CNPY4: variants seen among roughly 807,000 people sequenced by gnomAD.
CNPY4 encodes canopy FGF signaling regulator 4, also known as protein canopy homolog 4.
In CNPY4, 33 loss-of-function variants were observed where a neutral mutation model predicts 30.1. That is an observed-to-expected ratio of 1.10 (90% CI 0.83 to 1.46). The LOEUF is 1.46. CNPY4 is among the 40% of genes most tolerant of loss of function. The probability of loss-of-function intolerance (pLI) is 0.00; values close to 1 mark genes in which losing one functional copy is unlikely to be tolerated. For synonymous variants in CNPY4, 109 were observed against 110.1 expected, an observed-to-expected ratio of 0.99 and a Z score of 0.06; for missense variants, 324 against 302.6, an observed-to-expected ratio of 1.07 and a Z score of -0.52.
chr7:100,121,978 A>G (rs1798086836), intron 1 of CNPY4: 3 of 317,608 alleles, frequency 9.4e-6, no homozygotes, highest in Non-Finnish European at 1.2e-5. Flanking sequence ...TGAACCCAGG[A>G]GGCGGAGCTG....
rs1455708902 is a variant in CNPY4 at position 100,125,315 on chromosome 7, G to GTATC, written c.*428_*431dup. 1 of 164,222 alleles carries GTATC rather than the reference G, an allele frequency of 6.1e-6. No homozygotes were observed. Among genetic ancestry groups the GTATC allele is most frequent in the Non-Finnish European group, 1.3e-5 (1 of 74,526 alleles). 10.2% of individuals were successfully genotyped at this position (164,222 alleles called of 1,614,324 possible). On this transcript the variant is annotated 3_prime_UTR_variant, in exon 6 of 6. Coordinates refer to ENST00000262932, the MANE Select transcript of CNPY4 (RefSeq NM_152755.2). ...TCTCTGCGATCTATATACATTGCCTGTATCCAGGAGGCTACACACCAGCAA... is the reference window on the plus strand; with the variant it reads ...TCTCTGCGATCTATATACATTGCCTGTATCTATCCAGGAGGCTACACACCAGCAA...
chr7:100,122,423 C>G (rs771172138), intron 2 of CNPY4, 38 bp downstream of exon 2: 17 of 1,613,948 alleles, frequency 1.1e-5, no homozygotes, highest in South Asian at 7.7e-5. Context: ...CAACCCCCAA[C>G]GGAGCCCTGG....
At chr7:100,124,384 C>T in intron 4 of CNPY4, 130 bp from the exon 5 acceptor site, 1 of 678,520 alleles carries the variant, frequency 1.5e-6, no homozygotes, top group East Asian at 2.5e-5. Context: ...GATTGCACAT[C>T]TAGTAGGCCA....
At chr7:100,124,408 G>A in intron 4 of CNPY4, 106 bp from the exon 5 acceptor site, 1 of 815,392 alleles carries the variant, frequency 1.2e-6, no homozygotes, top group Non-Finnish European at 2.0e-6. Context: ...TTAGCTTCCT[G>A]GCTACCTGCC....
intron 4 of CNPY4, among the ~76,000 whole-genome samples, chr7:100,123,939 G>A (rs1798149007): frequency 6.6e-6 from 1 of 152,148 alleles, no homozygotes; most frequent in African/African-American, 2.4e-5. Flanking sequence ...GACCAGCCGG[G>A]CCATCATAGT....
intron 1 of CNPY4, among the ~76,000 whole-genome samples, chr7:100,121,572 C>T (rs762028533): frequency 2.6e-5 from 4 of 151,822 alleles, no homozygotes; most frequent in Non-Finnish European, 4.4e-5. Flanking sequence ...CTCAGCTTCC[C>T]GAGTAGCTAT....
intron 4 of CNPY4, 26 bp from the exon 5 acceptor site, chr7:100,124,488 C>G: frequency 6.4e-7 from 1 of 1,551,690 alleles, no homozygotes; most frequent in Non-Finnish European, 8.9e-7. Flanking sequence ...AGAGCAGATA[C>G]TCTTCTGGCC....
intron 1 of CNPY4, among the ~76,000 whole-genome samples, chr7:100,121,633 T>A (rs913423432): frequency 2.0e-5 from 3 of 151,328 alleles, no homozygotes; most frequent in African/African-American, 4.9e-5. Context: ...TTAATAGAGA[T>A]GGGGTTTCAC....
intron 1 of CNPY4, among the ~76,000 whole-genome samples, chr7:100,120,653 C>G (rs1329587481): frequency 2.6e-5 from 4 of 152,232 alleles, no homozygotes; most frequent in African/African-American, 9.6e-5. Flanking sequence ...CTCTTCTCCC[C>G]TGACCTGTCA....
intron 2 of CNPY4, 36 bp from the exon 3 acceptor site, chr7:100,122,445 G>A: frequency 6.2e-7 from 1 of 1,613,906 alleles, no homozygotes; most frequent in Non-Finnish European, 8.5e-7. Context: ...AGTTCCTACA[G>A]CATCCAGGGA....
chr7:100,121,786 C>G (rs967251420), intron 1 of CNPY4, among the ~76,000 whole-genome samples: 1 of 150,610 alleles, frequency 6.6e-6, no homozygotes, highest in Non-Finnish European at 1.5e-5. Flanking sequence ...CGTGGTGGCT[C>G]ACGCCTGTAA....
intron 1 of CNPY4, chr7:100,121,119 T>TACA (rs1798048949): frequency 2.1e-4 from 8 of 38,420 alleles, no homozygotes; most frequent in Admixed American, 1.2e-3. Flanking sequence ...TATATATATT[T>TACA]TTTTTTTTTT....
At chr7:100,122,161 T>G in intron 1 of CNPY4, 98 bp from the exon 2 acceptor site, 1 of 1,485,378 alleles carries the variant, frequency 6.7e-7, no homozygotes. Context: ...GGCTCCATAG[T>G]CTGCACTTGT....
chr7:100,121,292 C>T (rs1798061266), intron 1 of CNPY4: 1 of 150,472 alleles, frequency 6.6e-6, no homozygotes, highest in African/African-American at 2.4e-5. Context: ...GCGCCCGCCA[C>T]CATGCCCAGC....
chr7:100,119,912 C>T lies in CNPY4; in HGVS notation c.118+50C>T, dbSNP rs777693104. 1.9e-5 allele frequency: 29 copies of T among 1,515,470 alleles called. No individual in the cohort carries two copies. The African/African-American group carries it at 3.4e-4, about 18-fold the overall frequency. The allele number at this position is 1,515,470 out of a possible 1,614,324, so 93.9% of individuals were successfully genotyped here. On this transcript the variant is annotated intron_variant, in intron 1 of 5. Transcript: ENST00000262932. ...AGGCATCGCCCGGCCACACCTCCTT[C>T]TTCTAGGCCGGACATCCTAGCCTGT...
Position 100,122,571 on chromosome 7 carries a change from T to C in CNPY4, c.336T>C (p.Tyr112=). The change falls in exon 3 of 6, where the codon TAT becomes TAC. Residue 112 remains tyrosine, a synonymous_variant. Coordinates refer to ENST00000262932, the MANE Select transcript of CNPY4 (RefSeq NM_152755.2). Reference sequence around the variant, plus strand: ...CTGAGCGCAAGGGCTCACTGAGATATGCCAAGGTCAGACCCTTCCCCAGGG... The same window carrying C: ...CTGAGCGCAAGGGCTCACTGAGATACGCCAAGGTCAGACCCTTCCCCAGGG... ...VHAERKGSLR[Y]AKGQSQTMAT... 3.1e-6 allele frequency: 5 copies of C among 1,607,670 alleles called. No individual in the cohort carries two copies. The highest frequency in any genetic ancestry group is 2.2e-5 in the East Asian group (1 of 44,840).
intron 1 of CNPY4, chr7:100,121,106 ATATATATATATTTTTTTTTTTTTTTTTT>A (rs1340682352): frequency 3.2e-4 from 5 of 15,768 alleles, no homozygotes; most frequent in Non-Finnish European, 7.6e-4. Flanking sequence ...ATATATATAT[ATATATATATATTTTTTTTTTTTTTTTTT>A]TTTTTTTTTT....
At position 100,119,799 on chromosome 7, in the gene CNPY4, G is replaced by A; in HGVS notation, c.55G>A (p.Ala19Thr). The A allele has an allele frequency of 6.2e-7, 1 of 1,614,154 alleles. No homozygotes were observed. The highest frequency in any genetic ancestry group is 8.5e-7 in the Non-Finnish European group (1 of 1,180,022). Reference protein sequence around the residue: ...LLFLFLAVHEAWAGMLKEEDD... With the variant: ...LLFLFLAVHETWAGMLKEEDD... ...TTTCCTTTTTTTGGCCGTGCACGAG[G>A]CTTGGGCTGGGATGTTGAAGGAGGA... The change falls in exon 1 of 6, where the codon GCT becomes ACT. Residue 19 changes from alanine (A) to threonine (T), a missense_variant. By Grantham distance (58) the Ala-to-Thr change is moderately conservative (BLOSUM62 0). Coordinates refer to ENST00000262932, the MANE Select transcript of CNPY4 (RefSeq NM_152755.2).
At chr7:100,121,489 C>T (rs961483804) in intron 1 of CNPY4, 4 of 151,458 alleles carry the variant, frequency 2.6e-5, no homozygotes, top group African/African-American at 7.3e-5. Flanking sequence ...CCTTTGTTGC[C>T]TGGGCTGGGG....
Sources: allele counts gnomAD v4.1 joint callset (sites outside exome capture counted in the v4.1 genomes callset), GRCh38; gene constraint gnomAD v4.1.1; transcripts MANE v1.5; gene names NCBI Gene and HGNC (gene_info 2026-07-23, HGNC 2026-07-21).